SYNPO2: variants seen among roughly 807,000 people sequenced by gnomAD.
SYNPO2 encodes the protein synaptopodin 2.
Under a neutral mutation model 85.0 loss-of-function variants are expected in SYNPO2, and 56 were observed. The observed-to-expected ratio is 0.66, with a 90% confidence interval of 0.53 to 0.82. The LOEUF (loss-of-function observed/expected upper bound fraction) is 0.82. Ranked by LOEUF, SYNPO2 falls within the 40% of genes least tolerant of loss-of-function variation. The probability of loss-of-function intolerance (pLI) is 0.00; values close to 1 mark genes in which losing one functional copy is unlikely to be tolerated. For missense variants in SYNPO2, 1,575 were observed against 1,534.2 expected (o/e 1.03, Z -0.44); for synonymous variants, 602 against 591.1 (o/e 1.02, Z -0.27).
At chr4:118,977,066 G>A (rs1001259295) in intron 1 of SYNPO2, among the ~76,000 whole-genome samples, 6 of 152,252 alleles carry the variant, frequency 3.9e-5, no homozygotes, top group Non-Finnish European at 8.8e-5. Context: ...TCAGCCCTTG[G>A]GTGGTCGATG....
intron 1 of SYNPO2, among the ~76,000 whole-genome samples, chr4:118,920,145 G>C (rs1261015912): frequency 6.6e-6 from 1 of 152,182 alleles, no homozygotes; most frequent in South Asian, 2.1e-4. Context: ...AGAGTTGTGG[G>C]AGGCAATGAA....
chr4:118,906,910 T>C (rs1018872695), intron 1 of SYNPO2, among the ~76,000 whole-genome samples: 3 of 152,064 alleles, frequency 2.0e-5, no homozygotes, highest in African/African-American at 7.2e-5. Context: ...CAACTCCAAG[T>C]GTTCCTCCCA....
intron 1 of SYNPO2, among the ~76,000 whole-genome samples, chr4:119,021,131 A>G (rs2149183985): frequency 6.6e-6 from 1 of 152,342 alleles, no homozygotes; most frequent in South Asian, 2.1e-4. Flanking sequence ...TACAGATTGT[A>G]ATTTATGACA....
At chr4:118,854,030 G>C (rs890054931) in intron 1 of SYNPO2, among the ~76,000 whole-genome samples, 2 of 152,150 alleles carry the variant, frequency 1.3e-5, no homozygotes, top group African/African-American at 4.8e-5. Context: ...TGGCAGCAAT[G>C]AACCAAAAGC....
intron 1 of SYNPO2, among the ~76,000 whole-genome samples, chr4:119,010,844 A>T (rs2149178711): frequency 6.6e-6 from 1 of 152,354 alleles, no homozygotes; most frequent in East Asian, 1.9e-4. Context: ...AGGTAACATA[A>T]GCAAATCTTT....
At chr4:118,906,970 G>A (rs1732958081) in intron 1 of SYNPO2, among the ~76,000 whole-genome samples, 1 of 151,548 alleles carries the variant, frequency 6.6e-6, no homozygotes, top group Non-Finnish European at 1.5e-5. Flanking sequence ...ACCACACCCA[G>A]CTAATTTTTT....
At chr4:118,878,973 C>G (rs151330169) in intron 1 of SYNPO2, among the ~76,000 whole-genome samples, 3 of 152,108 alleles carry the variant, frequency 2.0e-5, no homozygotes, top group Non-Finnish European at 4.4e-5. Context: ...ACACTCACTG[C>G]GAAGGTCTGT....
At chr4:119,004,740 C>T in intron 1 of SYNPO2, among the ~76,000 whole-genome samples, 1 of 150,658 alleles carries the variant, frequency 6.6e-6, no homozygotes, top group African/African-American at 2.4e-5. Flanking sequence ...GGGTATATAC[C>T]CAGTAATGGG....
intron 1 of SYNPO2, among the ~76,000 whole-genome samples, chr4:119,022,498 T>A (rs1737759395): frequency 6.9e-6 from 1 of 145,940 alleles, no homozygotes; most frequent in African/African-American, 2.5e-5. Context: ...GGCTAATTTT[T>A]GCATTTTTTG....
chr4:118,891,603 A>G (rs1294431188), intron 1 of SYNPO2, among the ~76,000 whole-genome samples: 2 of 152,188 alleles, frequency 1.3e-5, no homozygotes, highest in African/African-American at 4.8e-5. Context: ...GGATCACTGT[A>G]TTTTATTTAA....
chr4:118,863,616 T>G (rs1896185), intron 1 of SYNPO2, among the ~76,000 whole-genome samples: 132,335 of 151,840 alleles, frequency 0.87, 57,780 homozygotes, highest in Middle Eastern at 0.94. Context: ...TTGTTTCATT[T>G]ATCTTTTTTT....
chr4:118,927,481 G>A (rs1733748391), intron 1 of SYNPO2, among the ~76,000 whole-genome samples: 1 of 152,080 alleles, frequency 6.6e-6, no homozygotes, highest in African/African-American at 2.4e-5. Context: ...GGTGGTATCT[G>A]AACCGAGTCT....
At chr4:119,045,953 A>C (rs1372256278) in intron 4 of SYNPO2, among the ~76,000 whole-genome samples, 1 of 152,206 alleles carries the variant, frequency 6.6e-6, no homozygotes, top group Non-Finnish European at 1.5e-5. Flanking sequence ...AACATACATT[A>C]TTTAAATAAA....
At position 118,995,635 on chromosome 4, in the gene SYNPO2, A is replaced by G. The variant is rs189198581; in HGVS notation, c.106-27795A>G. Among the ~76,000 whole-genome samples, 313 of 152,296 alleles carry G rather than the reference A, an allele frequency of 2.1e-3. 3 individuals are homozygous for G. Among genetic ancestry groups the G allele is most frequent in the East Asian group, 0.014 (73 of 5,182 alleles). ...ATGTGTTTTGTAAGCTTCAGAGTCA[A>G]ATTATAAGCTTTGACTCTGAAGCTA... On this transcript the variant is annotated intron_variant, in intron 1 of 4. Coordinates refer to ENST00000307142, the MANE Select transcript of SYNPO2 (RefSeq NM_133477.3).
intron 1 of SYNPO2, among the ~76,000 whole-genome samples, chr4:119,000,855 C>T (rs1237051378): frequency 6.6e-6 from 1 of 152,190 alleles, no homozygotes; most frequent in East Asian, 1.9e-4. Flanking sequence ...TTCTTTCTTT[C>T]TTTTCTTTTT....
At chr4:118,959,184 T>G (rs1560910964) in intron 1 of SYNPO2, among the ~76,000 whole-genome samples, 3 of 152,198 alleles carry the variant, frequency 2.0e-5, no homozygotes, top group Non-Finnish European at 4.4e-5. Context: ...TATTCCCGAT[T>G]ACCATATCAG....
chr4:118,899,371 A>C (rs191893372), intron 1 of SYNPO2, among the ~76,000 whole-genome samples: 2 of 152,364 alleles, frequency 1.3e-5, no homozygotes, highest in East Asian at 3.9e-4. Context: ...TTGACAATAC[A>C]AAATGTCTTT....
intron 1 of SYNPO2, among the ~76,000 whole-genome samples, chr4:118,878,996 G>C (rs1731996740): frequency 6.6e-6 from 1 of 152,174 alleles, no homozygotes; most frequent in South Asian, 2.1e-4. Context: ...CTTCACTCCT[G>C]AAGTCAGCGA....
intron 1 of SYNPO2, among the ~76,000 whole-genome samples, chr4:118,905,995 G>A (rs759308237): frequency 1.3e-5 from 2 of 152,116 alleles, no homozygotes; most frequent in Non-Finnish European, 2.9e-5. Context: ...TTTGAAAGTA[G>A]GAACCCCATC....
Sources: gnomAD v4.1 joint callset for allele counts (sites outside exome capture counted in the v4.1 genomes callset) on GRCh38, gnomAD v4.1.1 for gene constraint, MANE v1.5 for transcripts, NCBI Gene and HGNC (gene_info 2026-07-23, HGNC 2026-07-21) for gene names.